Variants in CCR3 observed in about 807,000 individuals in gnomAD.
CCR3 encodes the protein C-C chemokine receptor type 3.
For missense variants in CCR3, 419 were observed against 437.5 expected (o/e 0.96, Z 0.38); for synonymous variants, 203 against 179.2 (o/e 1.13, Z -1.06).
intron 1 of CCR3, among the ~76,000 whole-genome samples, chr3:46,256,052 T>C (rs1055951951): frequency 4.6e-5 from 7 of 152,220 alleles, no homozygotes; most frequent in African/African-American, 1.7e-4. Context: ...TTTCCATTTT[T>C]TGTGTCATCT....
At chr3:46,254,912 A>G (rs2125932433) in intron 1 of CCR3, among the ~76,000 whole-genome samples, 1 of 152,294 alleles carries the variant, frequency 6.6e-6, no homozygotes, top group South Asian at 2.1e-4. Context: ...CTCTGGGTAG[A>G]TACCCAGGAG....
intron 1 of CCR3, among the ~76,000 whole-genome samples, chr3:46,250,391 C>T (rs918553288): frequency 6.6e-5 from 10 of 151,874 alleles, no homozygotes; most frequent in African/African-American, 9.7e-5. Flanking sequence ...AAAGACTCAG[C>T]GATGCTTGGG....
rs1700597501 is a variant in CCR3, at chr3:46,265,284, C to T, written c.126C>T (p.Ser42=). 6.2e-7 allele frequency: 1 copy of T among 1,613,910 alleles called. No individual in the cohort carries two copies. The highest frequency in any genetic ancestry group is 1.3e-5 in the African/African-American group (1 of 74,892). ...LMAQFVPPLY[S]LVFTVGLLGN... is the part of the protein sequence containing the mutation. ...CCCAGTTTGTGCCCCCGCTGTACTC[C>T]CTGGTGTTCACTGTGGGCCTCTTGG... The change falls in exon 2 of 2, where the codon TCC becomes TCT. Residue 42 remains serine (S), a synonymous_variant. Transcript: ENST00000395940.
chr3:46,251,590 G>A (rs1217015817), intron 1 of CCR3, among the ~76,000 whole-genome samples: 4 of 152,126 alleles, frequency 2.6e-5, no homozygotes, highest in Non-Finnish European at 5.9e-5. Flanking sequence ...CCCACAATCC[G>A]AGTCACGGCA....
chr3:46,214,734 G>A (rs1423511401), intron 2 of CCR3, among the ~76,000 whole-genome samples: 1 of 152,094 alleles, frequency 6.6e-6, no homozygotes, highest in African/African-American at 2.4e-5. Context: ...TTCCTCCCTG[G>A]GCAAGCAGAG....
intron 1 of CCR3, among the ~76,000 whole-genome samples, chr3:46,255,977 G>A (rs1484610165): frequency 6.6e-6 from 1 of 151,946 alleles, no homozygotes; most frequent in African/African-American, 2.4e-5. Flanking sequence ...GAATTTGTAG[G>A]TTGTTTTTTG....
intron 1 of CCR3, among the ~76,000 whole-genome samples, chr3:46,256,492 T>C (rs191813631): frequency 6.6e-6 from 1 of 152,306 alleles, no homozygotes; most frequent in Admixed American, 6.5e-5. Context: ...AAAAGACATT[T>C]ATTTATATTC....
In CCR3 at chr3:46,266,270, G is replaced by T; in HGVS notation, c.*44G>T. 1 of 1,288,306 alleles carries T rather than the reference G, an allele frequency of 7.8e-7. No individual in the cohort carries two copies. Among genetic ancestry groups the T allele is most frequent in the Non-Finnish European group, 1.1e-6 (1 of 905,250 alleles). 79.8% of individuals were successfully genotyped at this position (1,288,306 alleles called of 1,614,324 possible). Reference sequence around the variant, plus strand: ...CCTAAAGAGGAAGGACCAAGGAGATGAAGCAAACACATTAAGCCTTCCACA... The same window carrying T: ...CCTAAAGAGGAAGGACCAAGGAGATTAAGCAAACACATTAAGCCTTCCACA... On this transcript the variant is annotated 3_prime_UTR_variant, in exon 2 of 2. Transcript: ENST00000395940.
intron 1 of CCR3, among the ~76,000 whole-genome samples, chr3:46,249,355 G>T (rs1700261467): frequency 6.6e-6 from 1 of 152,166 alleles, no homozygotes; most frequent in Non-Finnish European, 1.5e-5. Flanking sequence ...TGGCACCAGA[G>T]TTGGGGAGTT....
intron 2 of CCR3, among the ~76,000 whole-genome samples, chr3:46,216,691 G>GGGTCC (rs751800831): frequency 6.6e-6 from 1 of 152,110 alleles, no homozygotes; most frequent in Non-Finnish European, 1.5e-5. Flanking sequence ...GAAGATGTTG[G>GGGTCC]GGTCCTATCT....
Position 46,266,251 on chromosome 3 carries a change from G to A in CCR3, c.*25G>A. On this transcript the variant is annotated 3_prime_UTR_variant, in exon 2 of 2. Coordinates refer to ENST00000395940, the MANE Select transcript of CCR3 (RefSeq NM_178329.3). The stretch of plus-strand genomic sequence containing the variant: ...GGTCAGATGCAGAAAATTGCCTAAA[G>A]AGGAAGGACCAAGGAGATGAAGCAA... The A allele has an allele frequency of 6.7e-7, 1 of 1,490,612 alleles. No homozygotes were observed. The highest frequency in any genetic ancestry group is 9.3e-7 in the Non-Finnish European group (1 of 1,075,952). 92.3% of individuals were successfully genotyped at this position (1,490,612 alleles called of 1,614,324 possible).
chr3:46,257,651 T>C (rs1187629795), intron 1 of CCR3, among the ~76,000 whole-genome samples: 1 of 152,158 alleles, frequency 6.6e-6, no homozygotes, highest in Non-Finnish European at 1.5e-5. Context: ...GATACTCAGC[T>C]TCCTCAATAC....
chr3:46,224,591 G>T (rs1304128108), intron 2 of CCR3, among the ~76,000 whole-genome samples: 1 of 151,958 alleles, frequency 6.6e-6, no homozygotes, highest in East Asian at 1.9e-4. Context: ...ACAAAAATTA[G>T]CCAGGCATCG....
At chr3:46,258,253 T>C (rs1411032731) in intron 1 of CCR3, among the ~76,000 whole-genome samples, 2 of 152,236 alleles carry the variant, frequency 1.3e-5, no homozygotes, top group Non-Finnish European at 2.9e-5. Flanking sequence ...ACACATCTCC[T>C]TAAACCATAC....
intron 2 of CCR3, among the ~76,000 whole-genome samples, chr3:46,218,529 A>G (rs1400477266): frequency 6.6e-6 from 1 of 152,162 alleles, no homozygotes; most frequent in Non-Finnish European, 1.5e-5. Flanking sequence ...TAATGAAAAA[A>G]GAAAACTACT....
intron 1 of CCR3, among the ~76,000 whole-genome samples, chr3:46,259,081 G>A (rs1306234512): frequency 1.3e-5 from 2 of 152,214 alleles, no homozygotes; most frequent in Non-Finnish European, 2.9e-5. Flanking sequence ...AACTTTCTGA[G>A]TGGCTGTGCA....
intron 1 of CCR3, among the ~76,000 whole-genome samples, chr3:46,251,797 G>A (rs1482117610): frequency 6.6e-6 from 1 of 152,118 alleles, no homozygotes; most frequent in Non-Finnish European, 1.5e-5. Context: ...TCTCTGGCAG[G>A]CAGGAGTGGG....
chr3:46,220,100 A>G (rs1434023439), intron 2 of CCR3, among the ~76,000 whole-genome samples: 2 of 152,204 alleles, frequency 1.3e-5, no homozygotes, highest in African/African-American at 4.8e-5. Flanking sequence ...ATCTGACAAA[A>G]TGGTGAATAT....
upstream of CCR3, among the ~76,000 whole-genome samples, chr3:46,237,681 G>A (rs1347427178): frequency 6.6e-6 from 1 of 152,110 alleles, no homozygotes; most frequent in East Asian, 1.9e-4. Flanking sequence ...TATTGAAGAG[G>A]GTGTCCTTTC....
Sources: gnomAD v4.1 joint callset for allele counts (sites outside exome capture counted in the v4.1 genomes callset) on GRCh38, gnomAD v4.1.1 for gene constraint, MANE v1.5 for transcripts, NCBI Gene and HGNC (gene_info 2026-07-23, HGNC 2026-07-21) for gene names.